PLCB4: variants seen among roughly 807,000 people sequenced by gnomAD.
The protein encoded by PLCB4 is 1-phosphatidylinositol 4,5-bisphosphate phosphodiesterase beta-4.
Under a neutral mutation model 178.8 loss-of-function variants are expected in PLCB4, and 77 were observed. The observed-to-expected ratio is 0.43, with a 90% CI of 0.36 to 0.52. The LOEUF (loss-of-function observed/expected upper bound fraction) is 0.52. Ranked by LOEUF, PLCB4 falls within the 20% of genes least tolerant of loss-of-function variation. The pLI is 0.00. For synonymous variants in PLCB4, 496 were observed against 490.8 expected (o/e 1.01, Z -0.14); for missense variants, 1,024 against 1,453.4 (o/e 0.70, Z 4.80).
intron 3 of PLCB4, among the ~76,000 whole-genome samples, chr20:9,270,232 A>T (rs1220936168): frequency 6.6e-6 from 1 of 152,154 alleles, no homozygotes; most frequent in Non-Finnish European, 1.5e-5. Context: ...TTTTTGATAT[A>T]TTAGATTTGA....
chr20:9,388,882 A>G (rs572456424), intron 15 of PLCB4, among the ~76,000 whole-genome samples: 1 of 152,346 alleles, frequency 6.6e-6, no homozygotes, highest in African/African-American at 2.4e-5. Context: ...GCCAGGAAGA[A>G]TAACTAAATG....
intron 3 of PLCB4, among the ~76,000 whole-genome samples, chr20:9,279,047 C>T (rs553250098): frequency 1.3e-5 from 2 of 151,916 alleles, no homozygotes; most frequent in African/African-American, 2.4e-5. Context: ...AAGACAGATA[C>T]GTTGTATGTT....
chr20:9,235,786 T>A (rs2093986693), intron 3 of PLCB4, among the ~76,000 whole-genome samples: 3 of 152,212 alleles, frequency 2.0e-5, no homozygotes. Context: ...GGGATGAATG[T>A]AATTTAAGCT....
At chr20:9,224,080 C>G (rs2093833121) in intron 3 of PLCB4, among the ~76,000 whole-genome samples, 1 of 152,128 alleles carries the variant, frequency 6.6e-6, no homozygotes. Context: ...TGGCGTCTGC[C>G]CAGTTTCAAA....
At chr20:9,462,011 G>A (rs1325320743) in intron 35 of PLCB4, among the ~76,000 whole-genome samples, 3 of 152,244 alleles carry the variant, frequency 2.0e-5, no homozygotes, top group Non-Finnish European at 2.9e-5. Flanking sequence ...AGCAGGGGCC[G>A]ACAGACACCT....
At chr20:9,459,328 A>C (rs933433145) in intron 34 of PLCB4, among the ~76,000 whole-genome samples, 1 of 151,920 alleles carries the variant, frequency 6.6e-6, no homozygotes, top group Non-Finnish European at 1.5e-5. Context: ...TGGGCAACAG[A>C]GGCAGACTCT....
At chr20:9,278,071 A>C (rs2147668115) in intron 3 of PLCB4, among the ~76,000 whole-genome samples, 1 of 152,104 alleles carries the variant, frequency 6.6e-6, no homozygotes, top group South Asian at 2.1e-4. Context: ...GCTTTCTTAG[A>C]GATATGAACA....
chr20:9,099,190 G>T (rs1036930181), intron 2 of PLCB4, among the ~76,000 whole-genome samples: 3 of 152,064 alleles, frequency 2.0e-5, no homozygotes, highest in African/African-American at 7.2e-5. Flanking sequence ...GTTGAAAGTT[G>T]TTGCTCTAGA....
chr20:9,081,265 A>G (rs964338228), intron 1 of PLCB4, among the ~76,000 whole-genome samples: 2 of 152,218 alleles, frequency 1.3e-5, no homozygotes, highest in Non-Finnish European at 2.9e-5. Context: ...TTATTATAGC[A>G]TTACCTCTAA....
At chr20:9,393,768 T>C (rs2038344214) in intron 18 of PLCB4, 90 bp downstream of exon 18, 1 of 866,414 alleles carries the variant, frequency 1.2e-6, no homozygotes, top group East Asian at 2.5e-5. Flanking sequence ...TTAAAACCAC[T>C]GATTTTTGGG....
intron 7 of PLCB4, among the ~76,000 whole-genome samples, chr20:9,340,263 T>C (rs560585373): frequency 1.3e-5 from 2 of 152,296 alleles, no homozygotes; most frequent in East Asian, 1.9e-4. Flanking sequence ...TTGAGTTCTG[T>C]TGACCCCTAA....
At chr20:9,290,067 G>T (rs2094567228) in intron 3 of PLCB4, among the ~76,000 whole-genome samples, 1 of 151,554 alleles carries the variant, frequency 6.6e-6, no homozygotes, top group Non-Finnish European at 1.5e-5. Context: ...CATCCTCCTG[G>T]TCTCCAGGTC....
chr20:9,098,763 G>GTA (rs73613692), intron 2 of PLCB4, among the ~76,000 whole-genome samples: 1 of 146,776 alleles, frequency 6.8e-6, no homozygotes, highest in African/African-American at 2.5e-5. Flanking sequence ...GTGTGTGTGT[G>GTA]TATATATATA....
At chr20:9,181,234 T>C (rs2327171) in intron 2 of PLCB4, among the ~76,000 whole-genome samples, 30,119 of 152,112 alleles carry the variant, frequency 0.2, 3,188 homozygotes, top group East Asian at 0.29. Context: ...GGTGCTGATC[T>C]AATTCATTTC....
At chr20:9,191,345 A>AT (rs71184136) in intron 2 of PLCB4, among the ~76,000 whole-genome samples, 1,081 of 58,808 alleles carry the variant, frequency 0.018, 45 homozygotes, top group Non-Finnish European at 0.025. Context: ...CTAGATAGGC[A>AT]TTTTTTTTTT....
chr20:9,374,109 CTTCTT>C (rs1229907196), intron 12 of PLCB4, among the ~76,000 whole-genome samples: 1 of 151,584 alleles, frequency 6.6e-6, no homozygotes, highest in Non-Finnish European at 1.5e-5. Context: ...CAAATTACAT[CTTCTT>C]TTCTTCCGTT....
chr20:9,374,171 C>T (rs1265873586), intron 12 of PLCB4, among the ~76,000 whole-genome samples: 1 of 152,158 alleles, frequency 6.6e-6, no homozygotes, highest in South Asian at 2.1e-4. Context: ...ACTTTAGAAA[C>T]TATGTTAACT....
chr20:9,247,843 T>C (rs2094140915), intron 3 of PLCB4, among the ~76,000 whole-genome samples: 1 of 152,188 alleles, frequency 6.6e-6, no homozygotes, highest in Non-Finnish European at 1.5e-5. Flanking sequence ...TAGGTGGAGA[T>C]AAAATGGGAA....
At chr20:9,321,015 A>G (rs2094953683) in intron 4 of PLCB4, among the ~76,000 whole-genome samples, 1 of 152,222 alleles carries the variant, frequency 6.6e-6, no homozygotes, top group South Asian at 2.1e-4. Flanking sequence ...AGATCCATTT[A>G]AAGTTCTTTA....
Sources: allele counts gnomAD v4.1 joint callset (sites outside exome capture counted in the v4.1 genomes callset), GRCh38; gene constraint gnomAD v4.1.1; transcripts MANE v1.5; gene names NCBI Gene and HGNC (gene_info 2026-07-23, HGNC 2026-07-21).